TMEM170A: variants seen among roughly 807,000 people sequenced by gnomAD.
TMEM170A encodes transmembrane protein 170.
TMEM170A carries 18 observed loss-of-function variants against 12.8 expected under a neutral mutation model. The observed-to-expected ratio is 1.41, with a 90% CI of 0.97 to 2.09. The LOEUF (loss-of-function observed/expected upper bound fraction) is 2.09, where lower values mean the gene tolerates loss of function less well. Ranked by LOEUF, TMEM170A falls within the 30% of genes most tolerant of loss-of-function variation. The pLI is 0.00. For missense variants in TMEM170A, 220 were observed against 179.9 expected (o/e 1.22, Z -1.28); for synonymous variants, 107 against 76.2 (o/e 1.40, Z -2.11).
chr16:75,450,131 A>G (rs1448251947), intron 2 of TMEM170A, among the ~76,000 whole-genome samples: 3 of 150,918 alleles, frequency 2.0e-5, no homozygotes, highest in African/African-American at 7.3e-5. Flanking sequence ...TCTCCAAAGC[A>G]GCAGTAGGTG....
intron 1 of TMEM170A, chr16:75,458,249 T>A (rs1342811759): frequency 6.6e-6 from 1 of 152,214 alleles, no homozygotes; most frequent in East Asian, 1.9e-4. Context: ...AGGTAATTAA[T>A]CTGTAATACA....
chr16:75,451,037 C>T (rs2079671763), intron 2 of TMEM170A, among the ~76,000 whole-genome samples: 1 of 152,152 alleles, frequency 6.6e-6, no homozygotes, highest in African/African-American at 2.4e-5. Flanking sequence ...AATTCACCAA[C>T]CATCTTGCAG....
chr16:75,459,560 C>T (rs896196504), intron 1 of TMEM170A, among the ~76,000 whole-genome samples: 4 of 152,092 alleles, frequency 2.6e-5, no homozygotes, highest in African/African-American at 9.7e-5. Flanking sequence ...GGGATTAACA[C>T]TCTTATGTAG....
intron 1 of TMEM170A, among the ~76,000 whole-genome samples, chr16:75,457,259 G>A (rs1156469375): frequency 6.6e-6 from 1 of 152,218 alleles, no homozygotes; most frequent in African/African-American, 2.4e-5. Flanking sequence ...GCCTTGAACT[G>A]GGAGGCAAAG....
chr16:75,450,442 C>T (rs1184867662), intron 2 of TMEM170A, among the ~76,000 whole-genome samples: 1 of 151,960 alleles, frequency 6.6e-6, no homozygotes, highest in Non-Finnish European at 1.5e-5. Flanking sequence ...ATATAAAATA[C>T]ACATTTATAT....
chr16:75,457,687 C>T (rs1451518987), intron 1 of TMEM170A, among the ~76,000 whole-genome samples: 1 of 152,190 alleles, frequency 6.6e-6, no homozygotes, highest in African/African-American at 2.4e-5. Flanking sequence ...AGGAGGCCTG[C>T]TAAGTCACCA....
rs941377559 is a variant in TMEM170A, at chr16:75,445,071, A to T, written c.*2487T>A. 6.6e-6 allele frequency: 1 copy of T among 152,202 alleles called. No individual in the cohort carries two copies. Among genetic ancestry groups the T allele is most frequent in the Admixed American group, 6.5e-5 (1 of 15,282 alleles). The allele number at this position is 152,202 out of a possible 1,614,324, so 9.4% of individuals were successfully genotyped here. ...CAGTAAGAGGCATCCTTCAGTAGAG[A>T]TGATGGCAATCATTTCCCATAAGAA... On this transcript the variant is annotated 3_prime_UTR_variant, in exon 3 of 3. Transcript: ENST00000561878.
At chr16:75,454,626 C>T (rs2079752811) in intron 1 of TMEM170A, among the ~76,000 whole-genome samples, 1 of 152,080 alleles carries the variant, frequency 6.6e-6, no homozygotes, top group South Asian at 2.1e-4. Flanking sequence ...CAGAATGACA[C>T]TCCGTCTCAA....
At chr16:75,462,126 G>A (rs887470718) in intron 1 of TMEM170A, among the ~76,000 whole-genome samples, 1 of 152,166 alleles carries the variant, frequency 6.6e-6, no homozygotes, top group African/African-American at 2.4e-5. Flanking sequence ...AGTAAAGAGA[G>A]GATGCAGATA....
At chr16:75,452,120 C>T (rs1383502281) in intron 1 of TMEM170A, among the ~76,000 whole-genome samples, 1 of 151,696 alleles carries the variant, frequency 6.6e-6, no homozygotes, top group Non-Finnish European at 1.5e-5. Context: ...TACAGGCACC[C>T]GCCACCGCGC....
intron 1 of TMEM170A, 72 bp downstream of exon 1, chr16:75,464,396 G>A: frequency 7.2e-7 from 1 of 1,383,068 alleles, no homozygotes; most frequent in Non-Finnish European, 9.4e-7. Context: ...ACCCCGCCCA[G>A]ACTCGGGGCG....
intron 1 of TMEM170A, 134 bp from the exon 2 acceptor site, chr16:75,451,973 AT>A: frequency 1.2e-6 from 1 of 848,026 alleles, no homozygotes. Flanking sequence ...AATTTTTATT[AT>A]TTTTAATTTT....
At position 75,445,937 on chromosome 16, in the gene TMEM170A, G is replaced by T. The variant is rs1467479253; in HGVS notation, c.*1621C>A. 3 of 152,092 alleles carry T rather than the reference G, an allele frequency of 2.0e-5. No homozygotes were observed. Among genetic ancestry groups the T allele is most frequent in the African/African-American group, 7.2e-5 (3 of 41,422 alleles). 9.4% of individuals were successfully genotyped at this position (152,092 alleles called of 1,614,324 possible). ...TCACGCCTGTAATCCCAGCACTTTG[G>T]GAGGCCGAGGCGGGTGGATCACAAG... On this transcript the variant is annotated 3_prime_UTR_variant, in exon 3 of 3. Coordinates refer to ENST00000561878, the MANE Select transcript of TMEM170A (RefSeq NM_145254.3).
At chr16:75,448,192 G>A (rs1045877596) in intron 2 of TMEM170A, among the ~76,000 whole-genome samples, 3 of 152,150 alleles carry the variant, frequency 2.0e-5, no homozygotes, top group East Asian at 3.8e-4. Context: ...AGAAATGGAC[G>A]GAGGAGGGAC....
Position 75,444,957 on chromosome 16 carries a change from G to T in TMEM170A, c.*2601C>A, listed in dbSNP as rs1282783571. ...TTCAAAAGTTACTGTTTAAGAGGAG[G>T]GGCCCACTAACTACTGGTCTATATG... On this transcript the variant is annotated 3_prime_UTR_variant, in exon 3 of 3. Coordinates refer to ENST00000561878, the MANE Select transcript of TMEM170A (RefSeq NM_145254.3). The T allele has an allele frequency of 6.6e-6, 1 of 152,106 alleles. No homozygotes were observed. Among genetic ancestry groups the T allele is most frequent in the Non-Finnish European group, 1.5e-5 (1 of 68,018 alleles). 9.4% of individuals were successfully genotyped at this position (152,106 alleles called of 1,614,324 possible). A position where few individuals can be genotyped will look rare whatever the true frequency, so the allele number is the denominator to read the frequency against.
chr16:75,464,181 G>A, intron 1 of TMEM170A: 1 of 1,491,922 alleles, frequency 6.7e-7, no homozygotes. Flanking sequence ...GGAAGCTCAA[G>A]GCCAAGACCC....
At chr16:75,453,062 C>G (rs922938452) in intron 1 of TMEM170A, among the ~76,000 whole-genome samples, 3 of 152,014 alleles carry the variant, frequency 2.0e-5, no homozygotes, top group African/African-American at 7.2e-5. Flanking sequence ...TGGCCCTTCA[C>G]AGAAAAAGCT....
At position 75,448,692 on chromosome 16, in the gene TMEM170A, A is replaced by C. The variant is rs896732679; in HGVS notation, c.305-1004T>G. The stretch of plus-strand genomic sequence containing the variant: ...GGCAGGAGAGCTGCTTGAACCCAGG[A>C]GGTGGAGGTTGTTGTGAGCTCACAT... On this transcript the variant is annotated intron_variant, in intron 2 of 2. Transcript: ENST00000561878. Among the ~76,000 whole-genome samples the C allele has an allele frequency of 2.0e-5, 3 of 151,860 alleles. No individual in the cohort carries two copies. The East Asian group carries it at 5.8e-4, about 29-fold the overall frequency.
intron 1 of TMEM170A, among the ~76,000 whole-genome samples, chr16:75,459,137 A>G (rs1438081240): frequency 1.3e-5 from 2 of 152,040 alleles, no homozygotes; most frequent in Non-Finnish European, 2.9e-5. Context: ...CAGGTGATCC[A>G]CCCGCCTTGG....
Sources: allele counts gnomAD v4.1 joint callset (sites outside exome capture counted in the v4.1 genomes callset), GRCh38; gene constraint gnomAD v4.1.1; transcripts MANE v1.5; gene names NCBI Gene and HGNC (gene_info 2026-07-23, HGNC 2026-07-21).